LUC7L3: variants seen among roughly 807,000 people sequenced by gnomAD.
LUC7L3 encodes the protein luc7-like protein 3.
Under a neutral mutation model 66.8 loss-of-function variants are expected in LUC7L3, and 6 were observed. The observed-to-expected ratio is 0.09, with a 90% CI of 0.05 to 0.18. The LOEUF is 0.18. Ranked by LOEUF, LUC7L3 falls within the 10% of genes least tolerant of loss-of-function variation. The pLI is 1.00. For synonymous variants in LUC7L3, 160 were observed against 174.7 expected (o/e 0.92, Z 0.66); for missense variants, 341 against 531.1 (o/e 0.64, Z 3.52).
intron 3 of LUC7L3, 114 bp downstream of exon 3, chr17:50,740,459 G>C (rs893136334): frequency 2.1e-6 from 2 of 957,456 alleles, no homozygotes; most frequent in Admixed American, 4.7e-5. Flanking sequence ...GAGAAGTCCA[G>C]TCAGTGGCTG....
intron 1 of LUC7L3, chr17:50,722,687 G>T (rs951864948): frequency 6.6e-6 from 1 of 152,178 alleles, no homozygotes; most frequent in Non-Finnish European, 1.5e-5. Flanking sequence ...CTTGCGAAGC[G>T]CAGTTTCAAG....
rs11385262 is a variant in LUC7L3 at position 50,751,023 on chromosome 17, G to GTT, written c.*372_*373dup. 15,487 of 1,163,722 alleles carry GTT rather than the reference G, an allele frequency of 0.013. No individual in the cohort carries two copies. The highest frequency in any genetic ancestry group is 0.027 in the South Asian group (1,427 of 52,570). The allele number at this position is 1,163,722 out of a possible 1,614,324, so 72.1% of individuals were successfully genotyped here. On this transcript the variant is annotated 3_prime_UTR_variant, in exon 10 of 10. Coordinates refer to ENST00000505658, the MANE Select transcript of LUC7L3 (RefSeq NM_016424.5). The stretch of plus-strand genomic sequence containing the variant: ...TTTTTTTTAATAAAAAGGTTGAACT[G>GTT]TTTTTTTTTTTCTTTTTGGTATTAA...
intron 2 of LUC7L3, among the ~76,000 whole-genome samples, chr17:50,738,804 C>G (rs1970160527): frequency 6.6e-6 from 1 of 151,992 alleles, no homozygotes; most frequent in Non-Finnish European, 1.5e-5. Flanking sequence ...AAAGGACATT[C>G]ATCTTTAGGT....
intron 1 of LUC7L3, among the ~76,000 whole-genome samples, chr17:50,729,652 AC>A (rs1486969616): frequency 6.6e-6 from 1 of 151,972 alleles, no homozygotes; most frequent in East Asian, 1.9e-4. Context: ...GTGGAAGGAA[AC>A]CAGAGTACTG....
chr17:50,737,880 A>T (rs1213178709), intron 2 of LUC7L3, among the ~76,000 whole-genome samples: 1 of 152,196 alleles, frequency 6.6e-6, no homozygotes, highest in Non-Finnish European at 1.5e-5. Context: ...TATTTCCTCA[A>T]TTCTCTCAAG....
chr17:50,740,527 G>A (rs971842310), intron 3 of LUC7L3, among the ~76,000 whole-genome samples, 182 bp downstream of exon 3: 19 of 152,038 alleles, frequency 1.2e-4, no homozygotes, highest in Non-Finnish European at 1.9e-4. Flanking sequence ...CCACATGAGT[G>A]CACCCTGTAT....
chr17:50,723,745 C>G (rs950806391), intron 1 of LUC7L3: 14 of 311,188 alleles, frequency 4.5e-5, no homozygotes, highest in African/African-American at 3.2e-4. Flanking sequence ...ACCTCCACCT[C>G]CTGGCCTCAG....
chr17:50,727,974 G>A (rs1039215561), intron 1 of LUC7L3, among the ~76,000 whole-genome samples: 24 of 151,548 alleles, frequency 1.6e-4, no homozygotes, highest in Middle Eastern at 3.4e-3. Context: ...TTAGCTGGGC[G>A]TGGTGTGGTG....
Position 50,740,604 on chromosome 17 carries a change from G to T in LUC7L3, c.206+259G>T, listed in dbSNP as rs181441725. On this transcript the variant is annotated intron_variant, in intron 3 of 9. Coordinates refer to ENST00000505658, the MANE Select transcript of LUC7L3 (RefSeq NM_016424.5). ...AAATGAGCCTCACTGTGTCGCTCAG[G>T]CTGGAGTGCAGTGGCATGATCTCAG... Among the ~76,000 whole-genome samples the T allele has an allele frequency of 1.2e-3, 186 of 152,172 alleles. 1 individual carries two copies. The Middle Eastern group carries it at 0.014, about 11-fold the overall frequency.
Position 50,751,989 on chromosome 17 carries a change from G to A in LUC7L3, c.*1328G>A, listed in dbSNP as rs1970993510. ...TCCCCTTTTGGGAAAGCAATGTAAGGTTATGTCTGTGTATGTCATTCACAC... is the reference window on the plus strand; with the variant it reads ...TCCCCTTTTGGGAAAGCAATGTAAGATTATGTCTGTGTATGTCATTCACAC... On this transcript the variant is annotated 3_prime_UTR_variant, in exon 10 of 10. Coordinates refer to ENST00000505658, the MANE Select transcript of LUC7L3 (RefSeq NM_016424.5). 1.0e-5 allele frequency: 11 copies of A among 1,062,650 alleles called. No individual in the cohort carries two copies. The South Asian group carries it at 2.9e-4, about 28-fold the overall frequency. 65.8% of individuals were successfully genotyped at this position (1,062,650 alleles called of 1,614,324 possible).
rs1284690876 is a variant in LUC7L3, at chr17:50,719,831, C to T, written c.99C>T (p.Ser33=). Residue 33 remains serine, a splice_region_variant and synonymous_variant, in exon 1 of 10, where the codon AGC becomes AGT. Transcript: ENST00000505658. ...GCAACGTGCGGTGGGACCACGAGAG[C>T]GTAAGTCCCGCGGGCCTTGGCCTGA... is the stretch of plus-strand genomic sequence containing the variant. The part of the protein sequence containing the change: ...KRSNVRWDHE[S]VCKYYLCGFC... The T allele has an allele frequency of 6.5e-7, 1 of 1,547,860 alleles. No homozygotes were observed. Among genetic ancestry groups the T allele is most frequent in the South Asian group, 1.1e-5 (1 of 87,796 alleles).
At chr17:50,736,807 A>G (rs1039028989) in intron 1 of LUC7L3, 153 bp from the exon 2 acceptor site, 3 of 579,166 alleles carry the variant, frequency 5.2e-6, no homozygotes, top group Admixed American at 3.5e-5. Flanking sequence ...TCTGAAAATC[A>G]CTAATTTACC....
chr17:50,720,042 C>T (rs1369754914), intron 1 of LUC7L3, among the ~76,000 whole-genome samples: 1 of 152,166 alleles, frequency 6.6e-6, no homozygotes, highest in Non-Finnish European at 1.5e-5. Context: ...CAAGGGGGTC[C>T]GGGAGAGCCC....
At chr17:50,742,139 A>G (rs1296290174) in intron 5 of LUC7L3, among the ~76,000 whole-genome samples, 1 of 152,152 alleles carries the variant, frequency 6.6e-6, no homozygotes, top group Non-Finnish European at 1.5e-5. Context: ...ATATGAAAAG[A>G]CGCTCAACAC....
chr17:50,724,137 C>A (rs1266824544), intron 1 of LUC7L3: 1 of 285,484 alleles, frequency 3.5e-6, no homozygotes, highest in Non-Finnish European at 7.1e-6. Flanking sequence ...AATATTATTT[C>A]CTCTGTATCC....
At chr17:50,733,296 A>T (rs1236855291) in intron 1 of LUC7L3, among the ~76,000 whole-genome samples, 2 of 149,402 alleles carry the variant, frequency 1.3e-5, no homozygotes, top group Non-Finnish European at 3.0e-5. Flanking sequence ...CGGTGGTGCG[A>T]TCTCTGCTCA....
intron 1 of LUC7L3, among the ~76,000 whole-genome samples, chr17:50,726,279 C>G (rs1041136557): frequency 3.9e-5 from 6 of 152,174 alleles, no homozygotes; most frequent in Non-Finnish European, 7.3e-5. Flanking sequence ...TCAAGCAGTT[C>G]TCATACCTCA....
intron 2 of LUC7L3, among the ~76,000 whole-genome samples, chr17:50,739,316 T>C (rs1408307784): frequency 6.6e-6 from 1 of 152,178 alleles, no homozygotes; most frequent in Non-Finnish European, 1.5e-5. Flanking sequence ...GAAATTAGTA[T>C]TGAGATAGTT....
chr17:50,737,049 T>G, intron 2 of LUC7L3, 23 bp downstream of exon 2: 1 of 1,546,180 alleles, frequency 6.5e-7, no homozygotes, highest in Non-Finnish European at 8.9e-7. Context: ...TCTGTGTAAC[T>G]TTTATCAAAT....
Sources: gnomAD v4.1 joint callset for allele counts (sites outside exome capture counted in the v4.1 genomes callset) on GRCh38, gnomAD v4.1.1 for gene constraint, MANE v1.5 for transcripts, NCBI Gene and HGNC (gene_info 2026-07-23, HGNC 2026-07-21) for gene names.